The following PLA2G4A variants were observed in gnomAD, a reference collection of about 807,000 sequenced individuals.
The protein encoded by PLA2G4A is phospholipase A2 group IVA.
PLA2G4A carries 40 observed loss-of-function variants against 81.9 expected under a neutral mutation model. The observed-to-expected ratio is 0.49, with a 90% confidence interval of 0.38 to 0.64. The LOEUF (loss-of-function observed/expected upper bound fraction) is 0.64. PLA2G4A is among the 30% of genes least tolerant of loss of function. The pLI, the probability that PLA2G4A is intolerant of heterozygous loss-of-function variation, is 0.00. For missense variants in PLA2G4A, 715 were observed against 905.1 expected (o/e 0.79, Z 2.69); for synonymous variants, 302 against 296.9 (o/e 1.02, Z -0.18).
chr1:186,957,583 A>G (rs899009787), intron 14 of PLA2G4A, among the ~76,000 whole-genome samples: 1 of 151,768 alleles, frequency 6.6e-6, no homozygotes, highest in Non-Finnish European at 1.5e-5. Flanking sequence ...TCTTAGCCTG[A>G]CTCCCTAGTG....
intron 10 of PLA2G4A, among the ~76,000 whole-genome samples, chr1:186,943,987 G>A (rs1571427128): frequency 6.6e-6 from 1 of 152,168 alleles, no homozygotes; most frequent in African/African-American, 2.4e-5. Context: ...ATATCACTGT[G>A]CTTTTGTGAT....
At chr1:186,875,210 C>A (rs1653421303) in intron 3 of PLA2G4A, among the ~76,000 whole-genome samples, 1 of 152,018 alleles carries the variant, frequency 6.6e-6, no homozygotes, top group Admixed American at 6.6e-5. Context: ...GTGAGCAGAG[C>A]AAAGACTTTA....
At chr1:186,909,532 T>C (rs1307298451) in intron 6 of PLA2G4A, among the ~76,000 whole-genome samples, 1 of 151,240 alleles carries the variant, frequency 6.6e-6, no homozygotes, top group African/African-American at 2.4e-5. Flanking sequence ...TATTGGTGCG[T>C]GCCTGTAATC....
At chr1:186,935,369 A>G (rs1557881540) in intron 8 of PLA2G4A, among the ~76,000 whole-genome samples, 1 of 151,110 alleles carries the variant, frequency 6.6e-6, no homozygotes, top group Admixed American at 6.6e-5. Context: ...GAGCTCGGTC[A>G]TTGTTTGAAG....
intron 5 of PLA2G4A, among the ~76,000 whole-genome samples, chr1:186,899,779 A>G (rs1391939250): frequency 6.6e-6 from 1 of 152,192 alleles, no homozygotes; most frequent in African/African-American, 2.4e-5. Flanking sequence ...GAATGTTGAT[A>G]CTGAAAATGA....
chr1:186,908,748 AG>A (rs1396837756), intron 6 of PLA2G4A, among the ~76,000 whole-genome samples: 1 of 151,892 alleles, frequency 6.6e-6, no homozygotes. Flanking sequence ...CTCAAAAAAA[AG>A]TGTTCACTGG....
chr1:186,961,356 G>T (rs1034224931), intron 14 of PLA2G4A, among the ~76,000 whole-genome samples: 6 of 152,020 alleles, frequency 3.9e-5, no homozygotes, highest in Non-Finnish European at 8.8e-5. Flanking sequence ...TTACCACAAA[G>T]AAGTGATAAA....
At chr1:186,844,751 C>T (rs1038843619) in intron 1 of PLA2G4A, among the ~76,000 whole-genome samples, 1 of 152,048 alleles carries the variant, frequency 6.6e-6, no homozygotes, top group African/African-American at 2.4e-5. Flanking sequence ...CAAATCTGCA[C>T]GTTGTGCACA....
At chr1:186,852,142 C>G (rs1284005977) in intron 1 of PLA2G4A, among the ~76,000 whole-genome samples, 1 of 151,876 alleles carries the variant, frequency 6.6e-6, no homozygotes, top group Admixed American at 6.6e-5. Context: ...TACACAGGGA[C>G]TGGAAATTTC....
chr1:186,842,450 C>T (rs909189122), intron 1 of PLA2G4A, among the ~76,000 whole-genome samples: 2 of 152,276 alleles, frequency 1.3e-5, no homozygotes, highest in East Asian at 1.9e-4. Flanking sequence ...TGTTTAACTG[C>T]TGTGTTTATG....
chr1:186,837,771 A>G (rs1651841757), intron 1 of PLA2G4A, among the ~76,000 whole-genome samples: 1 of 151,162 alleles, frequency 6.6e-6, no homozygotes, highest in African/African-American at 2.4e-5. Flanking sequence ...AAAGAAAAAA[A>G]GAAAATAAAG....
chr1:186,978,597 G>C (rs10737277), intron 16 of PLA2G4A, among the ~76,000 whole-genome samples: 59,057 of 152,038 alleles, frequency 0.39, 14,052 homozygotes, highest in East Asian at 0.58. Flanking sequence ...TTAGTTATCA[G>C]ACACTAGAGC....
rs761747253 is a variant in PLA2G4A at position 186,916,399 on chromosome 1, G to GACACAAGAATGTGGATAC, written c.558+5010_558+5011insACACAAGAATGTGGATAC. 1.6e-3 allele frequency among the ~76,000 whole-genome samples: 244 copies of GACACAAGAATGTGGATAC among 152,260 alleles called. 1 individual carries two copies. The highest frequency in any genetic ancestry group is 3.1e-3 in the Non-Finnish European group (214 of 68,024). On this transcript the variant is annotated intron_variant, in intron 7 of 17. Coordinates refer to ENST00000367466, the MANE Select transcript of PLA2G4A (RefSeq NM_024420.3). The stretch of plus-strand genomic sequence containing the variant: ...AAGTGGCCCAAATGACACAAGACCA[G>GACACAAGAATGTGGATAC]TATCCACATTCATTTCCACACAGTC...
At chr1:186,837,816 G>A (rs1651843386) in intron 1 of PLA2G4A, among the ~76,000 whole-genome samples, 2 of 151,618 alleles carry the variant, frequency 1.3e-5, no homozygotes, top group Non-Finnish European at 1.5e-5. Context: ...AAAGAGAGAC[G>A]TGACCATCAA....
chr1:186,947,016 A>C, intron 12 of PLA2G4A, 55 bp downstream of exon 12: 1 of 910,024 alleles, frequency 1.1e-6, no homozygotes, highest in East Asian at 2.4e-5. Flanking sequence ...GATAAAGTTT[A>C]TTGACATATA....
At chr1:186,835,638 A>G (rs1651751296) in intron 1 of PLA2G4A, among the ~76,000 whole-genome samples, 2 of 152,204 alleles carry the variant, frequency 1.3e-5, no homozygotes, top group African/African-American at 4.8e-5. Flanking sequence ...GATGAATTTT[A>G]AATTTGCTGA....
At chr1:186,884,147 G>T (rs542518882) in intron 3 of PLA2G4A, among the ~76,000 whole-genome samples, 1 of 151,856 alleles carries the variant, frequency 6.6e-6, no homozygotes, top group East Asian at 1.9e-4. Flanking sequence ...TTACTTCTAA[G>T]ATAATAGAGG....
At chr1:186,896,452 G>A (rs1006377294) in intron 5 of PLA2G4A, among the ~76,000 whole-genome samples, 1 of 152,112 alleles carries the variant, frequency 6.6e-6, no homozygotes, top group Non-Finnish European at 1.5e-5. Context: ...GTGTAGAGGT[G>A]GTCAAAGGCT....
At chr1:186,830,509 G>A in intron 1 of PLA2G4A, among the ~76,000 whole-genome samples, 1 of 149,450 alleles carries the variant, frequency 6.7e-6, no homozygotes, top group East Asian at 2.0e-4. Context: ...TTGGGAGGCT[G>A]AGGCATGAGA....
Sources: allele counts gnomAD v4.1 joint callset (sites outside exome capture counted in the v4.1 genomes callset), GRCh38; gene constraint gnomAD v4.1.1; transcripts MANE v1.5; gene names NCBI Gene and HGNC (gene_info 2026-07-23, HGNC 2026-07-21).